Variants in OR4Q3 observed in about 807,000 individuals in gnomAD.
OR4Q3 encodes olfactory receptor family 4 subfamily Q member 3.
A neutral mutation model predicts 18.8 loss-of-function variants in OR4Q3; 17 were observed. That is an observed-to-expected ratio of 0.91 (90% CI 0.62 to 1.36). The LOEUF (loss-of-function observed/expected upper bound fraction) is 1.36, where lower values mean the gene tolerates loss of function less well. Among genes scored for constraint, OR4Q3 ranks in the 40% most tolerant of loss-of-function variants. The probability of loss-of-function intolerance (pLI) is 0.00; values close to 1 mark genes in which losing one functional copy is unlikely to be tolerated. For synonymous variants in OR4Q3, 158 were observed against 145.8 expected (o/e 1.08, Z -0.60); for missense variants, 378 against 373.4 (o/e 1.01, Z -0.10).
At chr14:19,746,754 C>T in intron 1 of OR4Q3, among the ~76,000 whole-genome samples, 6 of 152,322 alleles carry the variant, frequency 3.9e-5, no homozygotes, top group South Asian at 2.1e-4. Context: ...TATATTTATT[C>T]ATAGTAACTA....
chr14:19,750,027 C>A, downstream of OR4Q3, among the ~76,000 whole-genome samples: 1 of 151,356 alleles, frequency 6.6e-6, no homozygotes, highest in Non-Finnish European at 1.5e-5. Flanking sequence ...TCTTGTCTCC[C>A]AGGCTGGAGT....
At chr14:19,744,419 A>T (rs1209182053) in intron 1 of OR4Q3, among the ~76,000 whole-genome samples, 5 of 152,174 alleles carry the variant, frequency 3.3e-5, no homozygotes, top group Non-Finnish European at 5.9e-5. Flanking sequence ...ACACATGCAC[A>T]AGTACCAGGA....
At chr14:19,749,738 T>C, downstream of OR4Q3, among the ~76,000 whole-genome samples, 1 of 150,558 alleles carries the variant, frequency 6.6e-6, no homozygotes, top group African/African-American at 2.4e-5. Context: ...TTTTTCTTTC[T>C]TTCTCTCTCT....
chr14:19,752,036 G>T, downstream of OR4Q3, among the ~76,000 whole-genome samples: 1 of 152,234 alleles, frequency 6.6e-6, no homozygotes, highest in African/African-American at 2.4e-5. Context: ...ATAGATTAAA[G>T]ATTTAAATAT....
chr14:19,751,419 C>T, downstream of OR4Q3, among the ~76,000 whole-genome samples: 24 of 152,094 alleles, frequency 1.6e-4, no homozygotes, highest in African/African-American at 5.8e-4. Context: ...GGAGCCCTTC[C>T]TTTTTTATTT....
At chr14:19,745,049 A>G in intron 1 of OR4Q3, among the ~76,000 whole-genome samples, 32 of 152,294 alleles carry the variant, frequency 2.1e-4, no homozygotes, top group Middle Eastern at 3.4e-3. Flanking sequence ...TCATTAAAAA[A>G]ATCCAAGAAT....
At chr14:19,745,232 T>G in intron 1 of OR4Q3, among the ~76,000 whole-genome samples, 1 of 152,342 alleles carries the variant, frequency 6.6e-6, no homozygotes, top group South Asian at 2.1e-4. Flanking sequence ...TTCCTAATAT[T>G]AAATCTTACT....
chr14:19,750,713 GTGTATA>G, downstream of OR4Q3, among the ~76,000 whole-genome samples: 1 of 152,338 alleles, frequency 6.6e-6, no homozygotes, highest in Admixed American at 6.5e-5. Context: ...ATATATGTAT[GTGTATA>G]TGTATATATT....
exon 2 of OR4Q3, chr14:19,748,422 T>TA: frequency 7.3e-7 from 1 of 1,366,412 alleles, no homozygotes; most frequent in Non-Finnish European, 1.0e-6. Context: ...GGAAGACTCT[T>TA]AACTCATCTT....
chr14:19,749,915 T>TCTTTTTTC, downstream of OR4Q3, among the ~76,000 whole-genome samples: 1 of 132,338 alleles, frequency 7.6e-6, no homozygotes, highest in Non-Finnish European at 1.7e-5. Context: ...TCTTTTTTCT[T>TCTTTTTTC]TCTTTCTTTC....
intron 1 of OR4Q3, among the ~76,000 whole-genome samples, chr14:19,744,168 T>C (rs1384167607): frequency 1.3e-5 from 2 of 152,326 alleles, no homozygotes; most frequent in South Asian, 2.1e-4. Context: ...AGAATACCAC[T>C]GTAGGTACCA....
At position 19,748,020 on chromosome 14, in the gene OR4Q3, T is replaced by C; in HGVS notation, c.617T>C (p.Val206Ala). The stretch of plus-strand genomic sequence containing the variant: ...TGCATGGACACCTATGTGGTAGAGG[T>C]GCTGGTGATAGCCAACAGTGGTCTG... The change falls in exon 2 of 2, where the codon GTG becomes GCG. Residue 206 changes from valine to alanine, a missense_variant. Coordinates refer to ENST00000642117, the Ensembl canonical transcript of OR4Q3. The C allele has an allele frequency of 6.2e-6, 10 of 1,613,942 alleles. No homozygotes were observed. The Admixed American group carries it at 1.5e-4, about 24-fold the overall frequency.
At chr14:19,749,263 T>G in exon 2 of OR4Q3, 1 of 152,348 alleles carries the variant, frequency 6.6e-6, no homozygotes, top group South Asian at 2.1e-4. Context: ...CTTAACTTCA[T>G]TTTTGAGAAT....
chr14:19,747,349 G>A, intron 1 of OR4Q3, 57 bp from the exon 2 acceptor site: 3 of 926,038 alleles, frequency 3.2e-6, no homozygotes, highest in South Asian at 1.6e-5. Context: ...TATGTATATA[G>A]TGTACACATA....
chr14:19,744,838 C>A, intron 1 of OR4Q3, among the ~76,000 whole-genome samples: 3 of 152,048 alleles, frequency 2.0e-5, no homozygotes, highest in Non-Finnish European at 4.4e-5. Flanking sequence ...TGTAGACATT[C>A]CTTCATGTTG....
At chr14:19,746,235 T>G in intron 1 of OR4Q3, among the ~76,000 whole-genome samples, 1 of 152,120 alleles carries the variant, frequency 6.6e-6, no homozygotes, top group Non-Finnish European at 1.5e-5. Context: ...TATAGCTGGT[T>G]TTAGATAAAA....
chr14:19,751,648 T>C, downstream of OR4Q3, among the ~76,000 whole-genome samples: 1 of 152,192 alleles, frequency 6.6e-6, no homozygotes, highest in Non-Finnish European at 1.5e-5. Flanking sequence ...AATTTATCAG[T>C]TTCTTCCAGA....
chr14:19,745,572 CTT>C, intron 1 of OR4Q3, among the ~76,000 whole-genome samples: 16 of 152,188 alleles, frequency 1.1e-4, no homozygotes, highest in African/African-American at 2.9e-4. Flanking sequence ...AAAAAAATAA[CTT>C]TGGTTTCTCT....
At position 19,747,517 on chromosome 14, in the gene OR4Q3, A is replaced by AT; in HGVS notation, c.119dup (p.Leu40PhefsTer40). On this transcript the variant is annotated frameshift_variant, in exon 2 of 2. Coordinates refer to ENST00000642117, the Ensembl canonical transcript of OR4Q3. LOFTEE classifies it high-confidence loss of function. ...AGCTGCAGCTATTTCTCTTCTTACT[A>AT]TTTTTGTTTTTTTACATTGCTATTG... 1 of 1,613,354 alleles carries AT rather than the reference A, an allele frequency of 6.2e-7. No individual in the cohort carries two copies.
Sources: allele counts gnomAD v4.1 joint callset (sites outside exome capture counted in the v4.1 genomes callset), GRCh38; gene constraint gnomAD v4.1.1; transcripts MANE v1.5; gene names NCBI Gene and HGNC (gene_info 2026-07-23, HGNC 2026-07-21).